The following FNDC3B variants were observed in gnomAD, a reference collection of about 807,000 sequenced individuals.
FNDC3B encodes the protein fibronectin type III domain containing 3B.
FNDC3B carries 12 observed loss-of-function variants against 151.5 expected under a neutral mutation model. The ratio of observed to expected loss-of-function variants is 0.08; its 90% CI spans 0.05 to 0.13. The LOEUF is 0.13. Among genes scored for constraint, FNDC3B ranks in the 10% least tolerant of loss-of-function variants. The pLI is 1.00. For synonymous variants in FNDC3B, 528 were observed against 549.0 expected, an observed-to-expected ratio of 0.96 and a Z score of 0.54; for missense variants, 1,214 against 1,505.3, an observed-to-expected ratio of 0.81 and a Z score of 3.20.
intron 3 of FNDC3B, among the ~76,000 whole-genome samples, chr3:172,142,645 G>A (rs1434921510): frequency 6.6e-6 from 1 of 152,206 alleles, no homozygotes; most frequent in Non-Finnish European, 1.5e-5. Flanking sequence ...AAGGAAGACT[G>A]GATTAAGTTC....
chr3:172,303,431 A>G (rs1731034775), intron 9 of FNDC3B, among the ~76,000 whole-genome samples: 2 of 152,204 alleles, frequency 1.3e-5, no homozygotes, highest in African/African-American at 2.4e-5. Context: ...TATAAAATAC[A>G]TGTTATTGAC....
intron 23 of FNDC3B, among the ~76,000 whole-genome samples, chr3:172,365,176 T>G (rs1384508311): frequency 6.6e-6 from 1 of 152,184 alleles, no homozygotes; most frequent in Non-Finnish European, 1.5e-5. Flanking sequence ...AGCATAGCCT[T>G]TGTCAATCTA....
intron 1 of FNDC3B, among the ~76,000 whole-genome samples, chr3:172,085,601 C>T (rs1559959181): frequency 2.0e-5 from 3 of 152,218 alleles, no homozygotes; most frequent in Non-Finnish European, 2.9e-5. Flanking sequence ...CTTCACTCAT[C>T]GACATTGCCT....
In FNDC3B at chr3:172,106,524, T is replaced by C. The variant is rs570686331; in HGVS notation, c.-28-5928T>C. Among the ~76,000 whole-genome samples the C allele has an allele frequency of 3.9e-5, 6 of 152,340 alleles. No individual in the cohort carries two copies. In the East Asian group the frequency reaches 1.2e-3, roughly 29 times the overall value. On this transcript the variant is annotated intron_variant, in intron 1 of 25. Transcript: ENST00000415807. ...TTTTTCTCTTGTCATTTGAAATTAA[T>C]TTGCGTACTGTACTGCTAACTCACA... is the stretch of plus-strand genomic sequence containing the variant.
chr3:172,350,297 T>G (rs1299419779), intron 21 of FNDC3B, among the ~76,000 whole-genome samples: 4 of 152,262 alleles, frequency 2.6e-5, no homozygotes, highest in East Asian at 1.9e-4. Flanking sequence ...TCAGAGAAAT[T>G]AACTAACCTA....
chr3:172,194,211 C>T (rs1724713457), intron 3 of FNDC3B, among the ~76,000 whole-genome samples: 1 of 151,874 alleles, frequency 6.6e-6, no homozygotes, highest in South Asian at 2.1e-4. Context: ...CAGAGCAAGA[C>T]TCCATCTCAA....
At chr3:172,208,607 TGTTGA>T (rs1350048488) in intron 3 of FNDC3B, among the ~76,000 whole-genome samples, 2 of 152,226 alleles carry the variant, frequency 1.3e-5, no homozygotes, top group Non-Finnish European at 2.9e-5. Flanking sequence ...ATTCAGTTAC[TGTTGA>T]GTTATCATCA....
At chr3:172,217,694 C>T (rs777207380) in intron 3 of FNDC3B, among the ~76,000 whole-genome samples, 1 of 151,732 alleles carries the variant, frequency 6.6e-6, no homozygotes, top group Non-Finnish European at 1.5e-5. Flanking sequence ...GATAAAGTAG[C>T]TAATTGGGTA....
intron 2 of FNDC3B, among the ~76,000 whole-genome samples, chr3:172,130,919 A>G (rs1721058868): frequency 6.6e-6 from 1 of 152,214 alleles, no homozygotes; most frequent in African/African-American, 2.4e-5. Context: ...CTTTAAACAC[A>G]AAGCAAATGG....
At chr3:172,069,570 C>CT (rs1224812673) in intron 1 of FNDC3B, among the ~76,000 whole-genome samples, 3 of 152,060 alleles carry the variant, frequency 2.0e-5, no homozygotes, top group Non-Finnish European at 4.4e-5. Context: ...TTTTGCGTGC[C>CT]TTTAGTCTTA....
At chr3:172,143,832 C>T (rs1263490402) in intron 3 of FNDC3B, among the ~76,000 whole-genome samples, 3 of 152,042 alleles carry the variant, frequency 2.0e-5, no homozygotes, top group African/African-American at 7.2e-5. Context: ...TCGCTTGAAC[C>T]TGGGAGGTGA....
At chr3:172,099,985 A>G (rs1019460635) in intron 1 of FNDC3B, among the ~76,000 whole-genome samples, 2 of 152,322 alleles carry the variant, frequency 1.3e-5, no homozygotes, top group Non-Finnish European at 2.9e-5. Flanking sequence ...TAATAATCCT[A>G]AAATGTTACT....
At chr3:172,380,658 C>T (rs1177837044) in intron 24 of FNDC3B, among the ~76,000 whole-genome samples, 1 of 152,190 alleles carries the variant, frequency 6.6e-6, no homozygotes, top group African/African-American at 2.4e-5. Flanking sequence ...ATACCTAGGA[C>T]AGGGCCTAAG....
chr3:172,321,809 G>C lies in FNDC3B; in HGVS notation c.1255-7143G>C, dbSNP rs561516798. On this transcript the variant is annotated intron_variant, in intron 11 of 25. Transcript: ENST00000415807. Reference sequence around the variant, plus strand: ...GGGTTTCACCATATTGGCCAGGCTGGTCTCAAACTCCTGACCTCAGGTGAT... The same window carrying C: ...GGGTTTCACCATATTGGCCAGGCTGCTCTCAAACTCCTGACCTCAGGTGAT... 54 of 169,732 alleles carry C rather than the reference G, an allele frequency of 3.2e-4. 5 individuals carry two copies. Among genetic ancestry groups the C allele is most frequent in the African/African-American group, 1.2e-3 (51 of 41,810 alleles). 10.5% of individuals were successfully genotyped at this position (169,732 alleles called of 1,614,324 possible).
chr3:172,280,885 TTTTC>T (rs1163227379), intron 6 of FNDC3B, among the ~76,000 whole-genome samples: 14 of 151,548 alleles, frequency 9.2e-5, no homozygotes, highest in Admixed American at 2.0e-4. Flanking sequence ...TGTGTGGGTT[TTTTC>T]TTTCTTTCTT....
At chr3:172,182,720 G>T (rs561221091) in intron 3 of FNDC3B, among the ~76,000 whole-genome samples, 1 of 152,216 alleles carries the variant, frequency 6.6e-6, no homozygotes, top group African/African-American at 2.4e-5. Context: ...TTTTCGTGTC[G>T]ACAGAAGTAA....
chr3:172,365,643 A>C (rs1324817608), intron 23 of FNDC3B, among the ~76,000 whole-genome samples: 1 of 152,166 alleles, frequency 6.6e-6, no homozygotes, highest in Admixed American at 6.5e-5. Flanking sequence ...ATTCTGGCTT[A>C]CAATACTGAA....
intron 3 of FNDC3B, among the ~76,000 whole-genome samples, chr3:172,208,746 C>T (rs1256552009): frequency 4.5e-5 from 2 of 44,458 alleles, no homozygotes; most frequent in East Asian, 4.2e-4. Flanking sequence ...GCAGCACCAC[C>T]GGCCAGGATC....
intron 3 of FNDC3B, among the ~76,000 whole-genome samples, chr3:172,135,279 G>T (rs1721305870): frequency 1.3e-5 from 2 of 151,982 alleles, no homozygotes; most frequent in African/African-American, 4.8e-5. Flanking sequence ...GTGTATATAT[G>T]TGTTTTTTGT....
Sources: allele counts gnomAD v4.1 joint callset (sites outside exome capture counted in the v4.1 genomes callset), GRCh38; gene constraint gnomAD v4.1.1; transcripts MANE v1.5; gene names NCBI Gene and HGNC (gene_info 2026-07-23, HGNC 2026-07-21).